The following AP1G1 variants were observed in gnomAD, a reference collection of about 807,000 sequenced individuals.
AP1G1 encodes the protein adaptor related protein complex 1 subunit gamma 1.
AP1G1 carries 7 observed loss-of-function variants against 108.3 expected under a neutral mutation model. That is an observed-to-expected ratio of 0.06 (90% CI 0.04 to 0.12). AP1G1 has a LOEUF of 0.12. Ranked by LOEUF, AP1G1 falls within the 10% of genes least tolerant of loss-of-function variation. The probability of loss-of-function intolerance (pLI) is 1.00; values close to 1 mark genes in which losing one functional copy is unlikely to be tolerated. For synonymous variants in AP1G1, 379 were observed against 353.5 expected, an observed-to-expected ratio of 1.07 and a Z score of -0.81; for missense variants, 756 against 1,010.7, an observed-to-expected ratio of 0.75 and a Z score of 3.42.
chr16:71,734,825 A>G (rs1324701857), intron 21 of AP1G1, 118 bp from the exon 22 acceptor site: 2 of 757,904 alleles, frequency 2.6e-6, no homozygotes, highest in Admixed American at 4.4e-5. Context: ...ACTACTACTA[A>G]GTTTTGCCTA....
intron 2 of AP1G1, among the ~76,000 whole-genome samples, chr16:71,786,002 G>T (rs776108905): frequency 5.9e-5 from 9 of 152,130 alleles, no homozygotes; most frequent in Non-Finnish European, 1.2e-4. Context: ...TAATTCCAAC[G>T]GATGGGGTAC....
intron 12 of AP1G1, 76 bp downstream of exon 12, chr16:71,755,943 C>T (rs1320035575): frequency 6.6e-7 from 1 of 1,515,200 alleles, no homozygotes; most frequent in East Asian, 2.3e-5. Context: ...CGCGCCCAGC[C>T]CCCTCCCCAT....
intron 2 of AP1G1, among the ~76,000 whole-genome samples, chr16:71,785,432 C>T (rs1347812624): frequency 2.0e-5 from 3 of 151,490 alleles, no homozygotes; most frequent in Non-Finnish European, 1.5e-5. Context: ...AAAAATTAGC[C>T]GGGTGTGGTG....
At chr16:71,767,403 A>G (rs537266022) in intron 6 of AP1G1, among the ~76,000 whole-genome samples, 1 of 152,342 alleles carries the variant, frequency 6.6e-6, no homozygotes, top group South Asian at 2.1e-4. Flanking sequence ...TCTATGTAAG[A>G]TTAAGTACAG....
intron 1 of AP1G1, chr16:71,806,597 C>T (rs2033005324): frequency 1.2e-6 from 1 of 802,276 alleles, no homozygotes; most frequent in East Asian, 7.2e-5. Flanking sequence ...AGTTAACTAA[C>T]ATCTATGTGA....
intron 6 of AP1G1, among the ~76,000 whole-genome samples, chr16:71,769,069 G>A (rs574250762): frequency 6.7e-6 from 1 of 148,776 alleles, no homozygotes; most frequent in Non-Finnish European, 1.5e-5. Context: ...GATCACCTGA[G>A]GTCAGGAGTT....
At chr16:71,766,507 T>C in intron 6 of AP1G1, 1 of 446,542 alleles carries the variant, frequency 2.2e-6, no homozygotes, top group Non-Finnish European at 4.6e-6. Context: ...CTTTTTATGT[T>C]TCCAACTAAA....
chr16:71,753,862 T>C lies in AP1G1; in HGVS notation c.1255A>G (p.Ile419Val), dbSNP rs147972156. The C allele has an allele frequency of 2.5e-5, 41 of 1,613,990 alleles. No individual in the cohort carries two copies. In the African/African-American group the frequency reaches 2.8e-4, roughly 11 times the overall value. The change falls in exon 13 of 23, where the codon ATA becomes GTA. Residue 419 changes from isoleucine (I) to valine (V), a missense_variant. By Grantham distance (29) the Ile-to-Val change is conservative (BLOSUM62 3). Around this residue, in one of 3 missense-constraint regions of AP1G1, gnomAD observed 357 missense variants for 366.5 expected, o/e 0.97. Transcript: ENST00000299980. ...EKYAPSKRWH[I>V]DTIMRVLTTA... ...GTCAAAACACGCATAATTGTGTCTATATGCCATCGTTTGGAAGGTGCATAC... is the reference window on the plus strand; with the variant it reads ...GTCAAAACACGCATAATTGTGTCTACATGCCATCGTTTGGAAGGTGCATAC...
At chr16:71,792,600 C>T (rs2032444809) in intron 1 of AP1G1, among the ~76,000 whole-genome samples, 2 of 152,134 alleles carry the variant, frequency 1.3e-5, no homozygotes, top group African/African-American at 4.8e-5. Flanking sequence ...CACCTGTAAT[C>T]CTAGCACTTT....
In AP1G1 at chr16:71,758,867, T is replaced by C. The variant is rs746236804; in HGVS notation, c.1029A>G (p.Val343=). The change falls in exon 11 of 23, where the codon GTA becomes GTG. Residue 343 remains valine, a synonymous_variant. Transcript: ENST00000299980. ...CCACAATTGTGCTTCTGTGCCTCTG[T>C]ACTGCATTATGATCTGTCTGTACAG... is the stretch of plus-strand genomic sequence containing the variant. ...LKTVQTDHNA[V]QRHRSTIVDC... 6.2e-7 allele frequency: 1 copy of C among 1,611,928 alleles called. No homozygotes were observed.
In AP1G1 at chr16:71,758,852, G is replaced by A. The variant is rs1199690150; in HGVS notation, c.1044C>T (p.Ser348=). 4 of 1,611,014 alleles carry A rather than the reference G, an allele frequency of 2.5e-6. No homozygotes were observed. Among genetic ancestry groups the A allele is most frequent in the Non-Finnish European group, 3.4e-6 (4 of 1,179,090 alleles). The change falls in exon 11 of 23, where the codon AGC becomes AGT. Residue 348 remains serine (S), a synonymous_variant. Coordinates refer to ENST00000299980, the MANE Select transcript of AP1G1 (RefSeq NM_001128.6). The part of the protein sequence containing the change: ...TDHNAVQRHR[S]TIVDCLKDLD... ...AATCTTTAAGACAGTCCACAATTGTGCTTCTGTGCCTCTGTACTGCATTAT... is the reference window on the plus strand; with the variant it reads ...AATCTTTAAGACAGTCCACAATTGTACTTCTGTGCCTCTGTACTGCATTAT...
intron 1 of AP1G1, among the ~76,000 whole-genome samples, chr16:71,807,300 C>T (rs369996780): frequency 1.2e-4 from 19 of 152,260 alleles, no homozygotes; most frequent in Admixed American, 9.2e-4. Flanking sequence ...GGCGTGGCGG[C>T]GTGTGCCTGT....
chr16:71,787,020 G>A (rs757756720), intron 2 of AP1G1, among the ~76,000 whole-genome samples: 2 of 151,800 alleles, frequency 1.3e-5, no homozygotes, highest in African/African-American at 4.8e-5. Context: ...GTGAGATCCC[G>A]TCTCAAAAAA....
intron 1 of AP1G1, among the ~76,000 whole-genome samples, chr16:71,797,152 C>T (rs530064436): frequency 8.6e-5 from 13 of 151,908 alleles, no homozygotes; most frequent in African/African-American, 4.8e-5. Context: ...ATTCTCCCAA[C>T]CATAATCTTA....
At chr16:71,761,429 A>T in intron 10 of AP1G1, 83 bp downstream of exon 10, 1 of 963,496 alleles carries the variant, frequency 1.0e-6, no homozygotes, top group Non-Finnish European at 1.7e-6. Flanking sequence ...GTGACTTAAT[A>T]CATGTATGAT....
intron 2 of AP1G1, among the ~76,000 whole-genome samples, chr16:71,782,699 G>C (rs1217435250): frequency 1.3e-5 from 2 of 151,756 alleles, no homozygotes; most frequent in Non-Finnish European, 2.9e-5. Flanking sequence ...TGTTGGCCAG[G>C]ATGGTATTGA....
Position 71,733,036 on chromosome 16 carries a change from G to C in AP1G1, c.*22C>G. The C allele has an allele frequency of 1.9e-6, 3 of 1,585,610 alleles. No homozygotes were observed. The highest frequency in any genetic ancestry group is 2.6e-6 in the Non-Finnish European group (3 of 1,156,276). Reference sequence around the variant, plus strand: ...AGTTCCTTTGATTGAGTGGGATAAAGAATGAGAATGGTGCCAAACCCTCAT... The same window carrying C: ...AGTTCCTTTGATTGAGTGGGATAAACAATGAGAATGGTGCCAAACCCTCAT... On this transcript the variant is annotated 3_prime_UTR_variant, in exon 23 of 23. Coordinates refer to ENST00000299980, the MANE Select transcript of AP1G1 (RefSeq NM_001128.6).
At chr16:71,746,172 A>G (rs1399562272) in intron 17 of AP1G1, among the ~76,000 whole-genome samples, 1 of 152,082 alleles carries the variant, frequency 6.6e-6, no homozygotes, top group African/African-American at 2.4e-5. Flanking sequence ...ACCATGCCCA[A>G]CTAATTTTTT....
chr16:71,806,814 C>G, intron 1 of AP1G1: 1 of 773,722 alleles, frequency 1.3e-6, no homozygotes, highest in Non-Finnish European at 1.8e-6. Flanking sequence ...TTTGAAAAAT[C>G]TGCTTAAATA....
Sources: gnomAD v4.1 joint callset for allele counts (sites outside exome capture counted in the v4.1 genomes callset) on GRCh38, gnomAD v4.1.1 for gene constraint, gnomAD v4.1.1 regional missense constraint, MANE v1.5 for transcripts, NCBI Gene and HGNC (gene_info 2026-07-23, HGNC 2026-07-21) for gene names.